Variants in XPO7 observed in about 807,000 individuals in gnomAD.
XPO7 encodes exportin 7, also known as exportin-7.
In XPO7, 21 loss-of-function variants were observed where a neutral mutation model predicts 144.3. That is an observed-to-expected ratio of 0.15 (90% confidence interval 0.10 to 0.21). The LOEUF is 0.21. XPO7 is among the 10% of genes least tolerant of loss of function. The pLI, the probability that XPO7 is intolerant of heterozygous loss-of-function variation, is 1.00. For synonymous variants in XPO7, 580 were observed against 499.6 expected, an observed-to-expected ratio of 1.16 and a Z score of -2.15; for missense variants, 808 against 1,325.8, an observed-to-expected ratio of 0.61 and a Z score of 6.06.
chr8:21,921,644 T>G (rs745483656), intron 1 of XPO7: 1 of 152,228 alleles, frequency 6.6e-6, no homozygotes, highest in Admixed American at 6.5e-5. Context: ...TTATTTTTAG[T>G]AAGATGTTGT....
rs993944246 is a variant in XPO7, at chr8:21,988,928, C to A, written c.1788-75C>A. ...GTGGTGACTTTTGATGAATGACTTT[C>A]TTCTTCTCCCAGCCCTCAAGGAAAC... On this transcript the variant is annotated intron_variant, in intron 15 of 27. Coordinates refer to ENST00000252512, the MANE Select transcript of XPO7 (RefSeq NM_015024.5). 3 of 1,389,420 alleles carry A rather than the reference C, an allele frequency of 2.2e-6. No homozygotes were observed. In the African/African-American group the frequency reaches 4.3e-5, roughly 20 times the overall value. The allele number at this position is 1,389,420 out of a possible 1,614,324, so 86.1% of individuals were successfully genotyped here. A position where few individuals can be genotyped will look rare whatever the true frequency, so the allele number is the denominator to read the frequency against.
At chr8:21,985,406 AC>A (rs1812546809) in intron 12 of XPO7, among the ~76,000 whole-genome samples, 179 bp from the exon 13 acceptor site, 2 of 152,244 alleles carry the variant, frequency 1.3e-5, no homozygotes, top group Non-Finnish European at 2.9e-5. Context: ...AACATTGGTT[AC>A]CTAACGAATT....
rs754301460 is a variant in XPO7 at position 21,977,822 on chromosome 8, C to T, written c.816C>T (p.Ile272=). 38 of 1,613,838 alleles carry T rather than the reference C, an allele frequency of 2.4e-5. No individual in the cohort carries two copies. The highest frequency in any genetic ancestry group is 2.2e-4 in the South Asian group (20 of 91,074). The change falls in exon 8 of 28, where the codon ATC becomes ATT. Residue 272 remains isoleucine (I), a synonymous_variant. Transcript: ENST00000252512. ...LQLFFDLYHS[I]PPSFSPLVLS... Reference sequence around the variant, plus strand: ...TGTTTTTTGACCTGTATCATTCCATCCCTCCTTCATTTTCACCTCTGGTGA... The same window carrying T: ...TGTTTTTTGACCTGTATCATTCCATTCCTCCTTCATTTTCACCTCTGGTGA...
chr8:21,993,670 T>C (rs1454322423), intron 19 of XPO7, among the ~76,000 whole-genome samples: 4 of 152,154 alleles, frequency 2.6e-5, no homozygotes, highest in African/African-American at 9.6e-5. Flanking sequence ...CTGGGGGAAG[T>C]TTTTTGGCCT....
intron 5 of XPO7, among the ~76,000 whole-genome samples, chr8:21,972,684 CTAAAAATTTGTGAT>C (rs2117336785): frequency 6.6e-6 from 1 of 152,264 alleles, no homozygotes; most frequent in South Asian, 2.1e-4. Context: ...TTTTATCCAG[CTAAAAATTTGTGAT>C]TATAGAACAG....
At position 21,922,514 on chromosome 8, in the gene XPO7, ATGTG is replaced by A. The variant is rs1360238245; in HGVS notation, c.18+2730_18+2733del. Among the ~76,000 whole-genome samples the A allele has an allele frequency of 7.2e-5, 11 of 152,154 alleles. No homozygotes were observed. In the East Asian group the frequency reaches 1.9e-3, roughly 27 times the overall value. ...TGGGAGAAAAAAATCAAACTTACTT[ATGTG>A]TGTTTAATTATGTTTAGTTGCCCTT... On this transcript the variant is annotated intron_variant, in intron 1 of 27. Coordinates refer to ENST00000252512, the MANE Select transcript of XPO7 (RefSeq NM_015024.5).
intron 1 of XPO7, among the ~76,000 whole-genome samples, chr8:21,937,778 T>C (rs1810868138): frequency 6.6e-6 from 1 of 152,188 alleles, no homozygotes; most frequent in Non-Finnish European, 1.5e-5. Context: ...ATAAAAGGAA[T>C]ATATATTTGT....
chr8:22,004,175 A>AAAC (rs1813247778), intron 27 of XPO7, 145 bp downstream of exon 27: 8 of 955,100 alleles, frequency 8.4e-6, no homozygotes, highest in Middle Eastern at 2.6e-4. Flanking sequence ...GAGCCATGTT[A>AAAC]AACAGGCAAA....
Position 21,939,366 on chromosome 8 carries a change from A to T in XPO7, c.18+19578A>T, listed in dbSNP as rs566295550. Among the ~76,000 whole-genome samples the T allele has an allele frequency of 1.2e-4, 18 of 152,066 alleles. No individual in the cohort carries two copies. In the East Asian group the frequency reaches 3.5e-3, roughly 29 times the overall value. On this transcript the variant is annotated intron_variant, in intron 1 of 27. Coordinates refer to ENST00000252512, the MANE Select transcript of XPO7 (RefSeq NM_015024.5). ...CCTCCCGAGTAGCCGGATTACAGGC[A>T]TGTGCCACCATGCCCAGCTAATTTT...
chr8:21,998,000 TC>T (rs1163165099), intron 21 of XPO7, among the ~76,000 whole-genome samples: 1 of 152,180 alleles, frequency 6.6e-6, no homozygotes, highest in African/African-American at 2.4e-5. Flanking sequence ...TTTGGACCAT[TC>T]CAAGTCCCTA....
chr8:21,994,791 C>T (rs374984477), intron 20 of XPO7, among the ~76,000 whole-genome samples: 5 of 152,148 alleles, frequency 3.3e-5, no homozygotes, highest in African/African-American at 4.8e-5. Flanking sequence ...CGGTGGCTCA[C>T]GCCTGTAATC....
At chr8:21,949,213 C>G (rs551612576) in intron 1 of XPO7, among the ~76,000 whole-genome samples, 1 of 152,294 alleles carries the variant, frequency 6.6e-6, no homozygotes, top group South Asian at 2.1e-4. Context: ...ATTGTTTATT[C>G]TCACCCTGTG....
chr8:21,936,963 G>C (rs1810841079), intron 1 of XPO7, among the ~76,000 whole-genome samples: 3 of 152,102 alleles, frequency 2.0e-5, no homozygotes, highest in South Asian at 2.1e-4. Flanking sequence ...GAGTGCCTTG[G>C]TGTTACATAC....
chr8:21,945,361 G>A (rs1585429006), intron 1 of XPO7, among the ~76,000 whole-genome samples: 1 of 152,174 alleles, frequency 6.6e-6, no homozygotes, highest in East Asian at 1.9e-4. Context: ...GACAGAGGGG[G>A]TAGATTATTT....
At chr8:21,937,785 T>G (rs1332968981) in intron 1 of XPO7, among the ~76,000 whole-genome samples, 2 of 152,180 alleles carry the variant, frequency 1.3e-5, no homozygotes, top group Non-Finnish European at 2.9e-5. Context: ...GAATATATAT[T>G]TGTTAAGCAG....
intron 1 of XPO7, among the ~76,000 whole-genome samples, chr8:21,943,423 A>G (rs1198334986): frequency 4.6e-5 from 7 of 152,218 alleles, no homozygotes; most frequent in Non-Finnish European, 7.3e-5. Flanking sequence ...AATTCACATC[A>G]TCTGAGAAAT....
At chr8:21,997,710 CTCATT>C (rs1473476344) in intron 21 of XPO7, among the ~76,000 whole-genome samples, 1 of 152,072 alleles carries the variant, frequency 6.6e-6, no homozygotes, top group African/African-American at 2.4e-5. Flanking sequence ...TTAAAATGAT[CTCATT>C]TAAGTTTTTT....
At position 21,976,436 on chromosome 8, in the gene XPO7, C is replaced by T. The variant is rs766510711; in HGVS notation, c.678C>T (p.Cys226=). 10 of 1,613,972 alleles carry T rather than the reference C, an allele frequency of 6.2e-6. 1 individual carries two copies. In the South Asian group the frequency reaches 1.1e-4, roughly 18 times the overall value. Residue 226 remains cysteine, a synonymous_variant, in exon 7 of 28, where the codon TGC becomes TGT. Coordinates refer to ENST00000252512, the MANE Select transcript of XPO7 (RefSeq NM_015024.5). ...AACTGCTCAAGCTCACTCATAACTG[C>T]CTCAACTTTGACTTCATCGGCACTT... ...LMQLLKLTHN[C]LNFDFIGTST... is the part of the protein sequence containing the mutation.
intron 20 of XPO7, 58 bp from the exon 21 acceptor site, chr8:21,995,434 A>G (rs1441301896): frequency 1.2e-5 from 18 of 1,484,018 alleles, no homozygotes; most frequent in East Asian, 9.8e-5. Context: ...CTGAAAAACT[A>G]TTTTAAATTC....
Sources: gnomAD v4.1 joint callset for allele counts (sites outside exome capture counted in the v4.1 genomes callset) on GRCh38, gnomAD v4.1.1 for gene constraint, MANE v1.5 for transcripts, NCBI Gene and HGNC (gene_info 2026-07-23, HGNC 2026-07-21) for gene names.